CEP44: variants seen among roughly 807,000 people sequenced by gnomAD.
The protein encoded by CEP44 is centrosomal protein of 44 kDa.
CEP44 carries 45 observed loss-of-function variants against 46.7 expected under a neutral mutation model. The observed-to-expected ratio is 0.96, with a 90% CI of 0.76 to 1.24. The LOEUF (loss-of-function observed/expected upper bound fraction) is 1.24. Among genes scored for constraint, CEP44 ranks in the 50% most tolerant of loss-of-function variants. The pLI is 0.00. For missense variants in CEP44, 475 were observed against 459.7 expected (o/e 1.03, Z -0.30); for synonymous variants, 142 against 146.0 (o/e 0.97, Z 0.20).
chr4:174,319,925 T>G lies in CEP44; in HGVS notation c.*2542T>G, dbSNP rs1345766723. On this transcript the variant is annotated 3_prime_UTR_variant, in exon 12 of 12. Coordinates refer to ENST00000503780, the MANE Select transcript of CEP44 (RefSeq NM_001040157.3). ...CTAGTTATAAACTAGCCACTGTTGA[T>G]TAACTTGAGAAGGTGAAGCAGGGGA... is the stretch of plus-strand genomic sequence containing the variant. 1 of 985,074 alleles carries G rather than the reference T, an allele frequency of 1.0e-6. No individual in the cohort carries two copies. 61.0% of individuals were successfully genotyped at this position (985,074 alleles called of 1,614,324 possible).
At chr4:174,307,274 A>G (rs565542957) in intron 6 of CEP44, among the ~76,000 whole-genome samples, 42 of 152,312 alleles carry the variant, frequency 2.8e-4, no homozygotes, top group African/African-American at 8.7e-4. Flanking sequence ...ACATAGACCA[A>G]TGGAAGAGAA....
chr4:174,286,133 A>G lies in CEP44; in HGVS notation c.-148+2190A>G, dbSNP rs1250932414. 1.1e-4 allele frequency among the ~76,000 whole-genome samples: 17 copies of G among 152,216 alleles called. No homozygotes were observed. The highest frequency in any genetic ancestry group is 1.1e-3 in the Admixed American group (17 of 15,286). On this transcript the variant is annotated intron_variant, in intron 1 of 11. Transcript: ENST00000503780. This position sits in a 1 kb window ranked among gnomAD's most constrained non-coding sequence, Gnocchi z 5.2. ...TATATTCAATAAGCTGTTGCCTACC[A>G]TGTTGATAAAGGAGACTAGGAACAG...
chr4:174,317,427 A>T lies in CEP44; in HGVS notation c.*44A>T. On this transcript the variant is annotated 3_prime_UTR_variant, in exon 12 of 12. Transcript: ENST00000503780. ...TTTTCTAGGACTTTGGTTACTATAC[A>T]TATTGTATATTTTAAGAATTCTTTA... 1 of 1,340,140 alleles carries T rather than the reference A, an allele frequency of 7.5e-7. No homozygotes were observed. The highest frequency in any genetic ancestry group is 2.1e-5 in the South Asian group (1 of 47,194). The allele number at this position is 1,340,140 out of a possible 1,614,324, so 83.0% of individuals were successfully genotyped here.
intron 1 of CEP44, among the ~76,000 whole-genome samples, chr4:174,296,197 T>C (rs1738987978): frequency 6.6e-6 from 1 of 152,254 alleles, no homozygotes; most frequent in African/African-American, 2.4e-5. Flanking sequence ...TGATCTTTTC[T>C]TGCCTTGTTG....
At chr4:174,321,052 G>A (rs778144780), downstream of CEP44, among the ~76,000 whole-genome samples, 66 of 152,164 alleles carry the variant, frequency 4.3e-4, no homozygotes, top group African/African-American at 7.7e-4. Context: ...TACTACACTA[G>A]TGTTTAATCT....
At chr4:174,330,265 G>C (rs571978752) in intron 8 of CEP44, among the ~76,000 whole-genome samples, 1 of 152,222 alleles carries the variant, frequency 6.6e-6, no homozygotes, top group African/African-American at 2.4e-5. Flanking sequence ...GAAGTGGGTG[G>C]ATCACCCGAG....
rs761011587 is a variant in CEP44, at chr4:174,303,754, A to G, written c.289A>G (p.Ile97Val). The change falls in exon 5 of 12, where the codon ATC becomes GTC. Residue 97 changes from isoleucine to valine, a missense_variant. Physicochemically the swap from Ile to Val is conservative, Grantham distance 29 (BLOSUM62 3). Coordinates refer to ENST00000503780, the MANE Select transcript of CEP44 (RefSeq NM_001040157.3). ...ACCAATTTTGACAAAAAAGCAGTTT[A>G]TCCAATGTGGGTTTGCAGAATGGAA... is the stretch of plus-strand genomic sequence containing the variant. ...YKPILTKKQF[I>V]QCGFAEWKIQ... 6.4e-7 allele frequency: 1 copy of G among 1,568,686 alleles called. No individual in the cohort carries two copies.
intron 2 of CEP44, among the ~76,000 whole-genome samples, chr4:174,298,324 T>C (rs372944390): frequency 4.2e-4 from 63 of 151,248 alleles, no homozygotes; most frequent in Non-Finnish European, 5.9e-4. Flanking sequence ...TACAGGCGCC[T>C]GCCACTACGC....
At chr4:174,320,910 A>G (rs1477112153), downstream of CEP44, among the ~76,000 whole-genome samples, 3 of 152,132 alleles carry the variant, frequency 2.0e-5, no homozygotes, top group South Asian at 2.1e-4. Flanking sequence ...AATCGAAGAA[A>G]CATAGTAAGA....
chr4:174,317,587 CTTTT>C lies in CEP44; in HGVS notation c.*214_*217del. 1.1e-6 allele frequency: 1 copy of C among 887,780 alleles called. No homozygotes were observed. The highest frequency in any genetic ancestry group is 1.4e-6 in the Non-Finnish European group (1 of 720,294). The allele number at this position is 887,780 out of a possible 1,614,324, so 55.0% of individuals were successfully genotyped here. Reference sequence around the variant, plus strand: ...GATTATACTGCTTTACCTTGTGTCACTTTTTTTTTTTTTAGGAAAAACTCATGTT... The same window carrying C: ...GATTATACTGCTTTACCTTGTGTCACTTTTTTTTTAGGAAAAACTCATGTT... On this transcript the variant is annotated 3_prime_UTR_variant, in exon 12 of 12. Transcript: ENST00000503780.
rs973106551 is a variant in CEP44 at position 174,303,759 on chromosome 4, A to G, written c.294A>G (p.Gln98=). 17 of 1,569,978 alleles carry G rather than the reference A, an allele frequency of 1.1e-5. No homozygotes were observed. Among genetic ancestry groups the G allele is most frequent in the East Asian group, 2.3e-5 (1 of 44,386 alleles). Residue 98 remains glutamine, a synonymous_variant, in exon 5 of 12, where the codon CAA becomes CAG. Coordinates refer to ENST00000503780, the MANE Select transcript of CEP44 (RefSeq NM_001040157.3). ...KPILTKKQFI[Q]CGFAEWKIQI... The stretch of plus-strand genomic sequence containing the variant: ...TTTTGACAAAAAAGCAGTTTATCCA[A>G]TGTGGGTTTGCAGAATGGAAAATCC...
chr4:174,319,262 A>G lies in CEP44; in HGVS notation c.*1879A>G. Reference sequence around the variant, plus strand: ...ATTTTTTCAATTGTGAGAGAAGTACATTTATAAAAATTAAGAGGTTAAGAG... The same window carrying G: ...ATTTTTTCAATTGTGAGAGAAGTACGTTTATAAAAATTAAGAGGTTAAGAG... On this transcript the variant is annotated 3_prime_UTR_variant, in exon 12 of 12. Coordinates refer to ENST00000503780, the MANE Select transcript of CEP44 (RefSeq NM_001040157.3). 7.2e-6 allele frequency: 7 copies of G among 969,644 alleles called. No individual in the cohort carries two copies. Among genetic ancestry groups the G allele is most frequent in the Non-Finnish European group, 8.6e-6 (7 of 815,514 alleles). The allele number at this position is 969,644 out of a possible 1,614,324, so 60.1% of individuals were successfully genotyped here.
rs1240028563 is a variant in CEP44 at position 174,310,145 on chromosome 4, A to G, written c.885+89A>G. 2 of 1,133,028 alleles carry G rather than the reference A, an allele frequency of 1.8e-6. No homozygotes were observed. Among genetic ancestry groups the G allele is most frequent in the Non-Finnish European group, 2.5e-6 (2 of 806,106 alleles). 70.2% of individuals were successfully genotyped at this position (1,133,028 alleles called of 1,614,324 possible). A position where few individuals can be genotyped will look rare whatever the true frequency, so the allele number is the denominator to read the frequency against. Reference sequence around the variant, plus strand: ...ATATGTGTATTTTTTTGGAAATGCTAAATATGAGAATATTTGAATAATGAG... The same window carrying G: ...ATATGTGTATTTTTTTGGAAATGCTGAATATGAGAATATTTGAATAATGAG... On this transcript the variant is annotated intron_variant, in intron 8 of 11. Transcript: ENST00000503780. This position sits in a 1 kb window ranked among gnomAD's most constrained non-coding sequence, Gnocchi z 4.2.
At chr4:174,313,845 T>TA (rs1375051987) in intron 9 of CEP44, among the ~76,000 whole-genome samples, 1 of 152,162 alleles carries the variant, frequency 6.6e-6, no homozygotes, top group Non-Finnish European at 1.5e-5. Context: ...AGGTGATTGT[T>TA]ACTCTTTAAT....
chr4:174,292,573 T>C (rs537005534), intron 1 of CEP44, among the ~76,000 whole-genome samples: 1 of 152,210 alleles, frequency 6.6e-6, no homozygotes, highest in African/African-American at 2.4e-5. Context: ...TTAATATTTC[T>C]TCCTCTAATT....
rs1741033900 is a variant in CEP44, at chr4:174,311,126, C to T, written c.961+268C>T. ...ACTGTTTTAATCATTCGAGAATAAT[C>T]AAGTGCTCTAGGATATTAATGTTGG... is the stretch of plus-strand genomic sequence containing the variant. On this transcript the variant is annotated intron_variant, in intron 9 of 11. Transcript: ENST00000503780. This position sits in a 1 kb window ranked among gnomAD's most constrained non-coding sequence, Gnocchi z 4.4. Among the ~76,000 whole-genome samples the T allele has an allele frequency of 6.6e-6, 1 of 151,882 alleles. No homozygotes were observed. The highest frequency in any genetic ancestry group is 2.4e-5 in the African/African-American group (1 of 41,414).
intron 1 of CEP44, among the ~76,000 whole-genome samples, chr4:174,294,759 ACCC>A (rs1296108146): frequency 1.9e-5 from 2 of 104,096 alleles, no homozygotes; most frequent in Non-Finnish European, 4.0e-5. Flanking sequence ...CGGGGGGCTG[ACCC>A]CCCCACCTCC....
rs947402476 is a variant in CEP44, at chr4:174,309,749, T to C, written c.679-101T>C. ...CTCTTAACTCTCAAGCAGGACGGTC[T>C]CTCCTAACTGTTGAGATAACGCTGT... is the stretch of plus-strand genomic sequence containing the variant. On this transcript the variant is annotated intron_variant, in intron 7 of 11. Coordinates refer to ENST00000503780, the MANE Select transcript of CEP44 (RefSeq NM_001040157.3). This position sits in a 1 kb window ranked among gnomAD's most constrained non-coding sequence, Gnocchi z 5.3. 2.5e-6 allele frequency: 2 copies of C among 791,728 alleles called. No individual in the cohort carries two copies. Among genetic ancestry groups the C allele is most frequent in the Admixed American group, 5.5e-5 (2 of 36,666 alleles). 49.0% of individuals were successfully genotyped at this position (791,728 alleles called of 1,614,324 possible). A position where few individuals can be genotyped will look rare whatever the true frequency, so the allele number is the denominator to read the frequency against.
In CEP44 at chr4:174,319,608, G is replaced by A; in HGVS notation, c.*2225G>A. 1 of 677,704 alleles carries A rather than the reference G, an allele frequency of 1.5e-6. No homozygotes were observed. Among genetic ancestry groups the A allele is most frequent in the African/African-American group, 1.9e-5 (1 of 51,552 alleles). The allele number at this position is 677,704 out of a possible 1,614,324, so 42.0% of individuals were successfully genotyped here. A position where few individuals can be genotyped will look rare whatever the true frequency, so the allele number is the denominator to read the frequency against. On this transcript the variant is annotated 3_prime_UTR_variant, in exon 12 of 12. Transcript: ENST00000503780. ...TCTAATCTCCTAGTTTATATACAGTGTGCAAAATATAAGTAAGTATATATT... is the reference window on the plus strand; with the variant it reads ...TCTAATCTCCTAGTTTATATACAGTATGCAAAATATAAGTAAGTATATATT...
Sources: gnomAD v4.1 joint callset for allele counts (sites outside exome capture counted in the v4.1 genomes callset) on GRCh38, gnomAD v4.1.1 for gene constraint, Gnocchi (gnomAD v3.1) non-coding constraint, MANE v1.5 for transcripts, NCBI Gene and HGNC (gene_info 2026-07-23, HGNC 2026-07-21) for gene names.